The following CDYL variants were observed in gnomAD, a reference collection of about 807,000 sequenced individuals.
CDYL encodes chromodomain Y like.
CDYL carries 8 observed loss-of-function variants against 47.3 expected under a neutral mutation model. The ratio of observed to expected loss-of-function variants is 0.17; its 90% CI spans 0.10 to 0.31. The LOEUF is 0.31. CDYL is among the 10% of genes least tolerant of loss of function. The pLI, the probability that CDYL is intolerant of heterozygous loss-of-function variation, is 1.00. For synonymous variants in CDYL, 266 were observed against 265.0 expected (o/e 1.00, Z -0.04); for missense variants, 471 against 701.4 (o/e 0.67, Z 3.71).
chr6:4,764,793 C>T (rs1758227235), intron 3 of CDYL, among the ~76,000 whole-genome samples: 1 of 152,098 alleles, frequency 6.6e-6, no homozygotes, highest in South Asian at 2.1e-4. Flanking sequence ...TTTAATGCAC[C>T]TGTCCCAGTA....
intron 3 of CDYL, among the ~76,000 whole-genome samples, chr6:4,756,462 T>C (rs1283823320): frequency 6.6e-6 from 1 of 152,162 alleles, no homozygotes; most frequent in Admixed American, 6.6e-5. Flanking sequence ...CTGAGTTGGC[T>C]CTGTGGTTTT....
chr6:4,762,322 T>C (rs1758187117), intron 3 of CDYL, among the ~76,000 whole-genome samples: 2 of 152,198 alleles, frequency 1.3e-5, no homozygotes, highest in African/African-American at 4.8e-5. Context: ...AACAAACATA[T>C]CCTCTCTGGA....
chr6:4,788,684 G>A (rs1758829032), intron 1 of CDYL, among the ~76,000 whole-genome samples: 1 of 151,114 alleles, frequency 6.6e-6, no homozygotes, highest in Non-Finnish European at 1.5e-5. Flanking sequence ...GGGTCACTGG[G>A]GTGGGAACTG....
chr6:4,892,358 G>A lies in CDYL; in HGVS notation c.670G>A (p.Gly224Ser), dbSNP rs552358447. The A allele has an allele frequency of 5.6e-6, 9 of 1,611,188 alleles. 1 individual carries two copies. The South Asian group carries it at 9.9e-5, about 18-fold the overall frequency. The change falls in exon 2 of 7, where the codon GGC (glycine) becomes AGC (serine). Residue 224 changes from glycine to serine, a missense_variant. Coordinates refer to ENST00000397588, the MANE Select transcript of CDYL (RefSeq NM_004824.4). The part of the protein sequence containing the change: ...PGPVTAAMAT[G>S]LAVNGKGTSP... ...CCCTGTGACTGCAGCCATGGCCACA[G>A]GCTTAGCTGTTAACGGGAAAGGTGA...
At chr6:4,712,156 A>G (rs1376123648) in intron 1 of CDYL, among the ~76,000 whole-genome samples, 4 of 152,192 alleles carry the variant, frequency 2.6e-5, no homozygotes, top group Non-Finnish European at 5.9e-5. Flanking sequence ...ACCTTTATAA[A>G]CCAATGTCAA....
At chr6:4,902,046 C>T (rs532634968) in intron 2 of CDYL, among the ~76,000 whole-genome samples, 136 of 152,146 alleles carry the variant, frequency 8.9e-4, no homozygotes, top group African/African-American at 3.0e-3. Flanking sequence ...AACTCTGTAA[C>T]CTAGAAGGAA....
chr6:4,791,889 T>A (rs1561639892), intron 1 of CDYL, among the ~76,000 whole-genome samples: 1 of 151,142 alleles, frequency 6.6e-6, no homozygotes. Flanking sequence ...TAGAATTTTT[T>A]TTTTTTTTTT....
chr6:4,835,071 C>T (rs958488043), intron 1 of CDYL, among the ~76,000 whole-genome samples: 5 of 152,200 alleles, frequency 3.3e-5, no homozygotes, highest in African/African-American at 4.8e-5. Context: ...TTTCTCAACT[C>T]GTCAAAGTCA....
At chr6:4,901,055 C>A (rs1163494998) in intron 2 of CDYL, among the ~76,000 whole-genome samples, 2 of 151,124 alleles carry the variant, frequency 1.3e-5, no homozygotes, top group Non-Finnish European at 2.9e-5. Context: ...GACTAGAAAA[C>A]TTCCAATTAA....
intron 2 of CDYL, among the ~76,000 whole-genome samples, chr6:4,901,782 A>G (rs768626827): frequency 6.6e-6 from 1 of 152,162 alleles, no homozygotes; most frequent in African/African-American, 2.4e-5. Flanking sequence ...GCTTAAACAT[A>G]CAAGCAAATG....
intron 2 of CDYL, chr6:4,928,839 T>G (rs1757953369): frequency 6.6e-6 from 1 of 152,226 alleles, no homozygotes; most frequent in African/African-American, 2.4e-5. Context: ...AGCCATTTTT[T>G]TAAGATACTT....
At chr6:4,848,712 C>A (rs1760736197) in intron 1 of CDYL, among the ~76,000 whole-genome samples, 2 of 152,194 alleles carry the variant, frequency 1.3e-5, no homozygotes, top group South Asian at 4.1e-4. Flanking sequence ...TGGCTTGCGT[C>A]TGAGTCTTTA....
At chr6:4,895,108 T>C (rs1275947120) in intron 2 of CDYL, among the ~76,000 whole-genome samples, 4 of 151,468 alleles carry the variant, frequency 2.6e-5, no homozygotes, top group Admixed American at 6.6e-5. Context: ...TGTGTATATG[T>C]ATCTATATGC....
At chr6:4,838,755 C>T (rs1053592980) in intron 1 of CDYL, among the ~76,000 whole-genome samples, 1 of 151,948 alleles carries the variant, frequency 6.6e-6, no homozygotes, top group Non-Finnish European at 1.5e-5. Flanking sequence ...GGTGCCATCT[C>T]AGCTCAATGC....
At chr6:4,769,825 C>G (rs1194340878) in intron 3 of CDYL, among the ~76,000 whole-genome samples, 1 of 152,186 alleles carries the variant, frequency 6.6e-6, no homozygotes, top group Non-Finnish European at 1.5e-5. Flanking sequence ...GAGACGGAGT[C>G]TCGCTCTGTT....
intron 5 of CDYL, among the ~76,000 whole-genome samples, chr6:4,945,076 G>A (rs1032814516): frequency 2.6e-5 from 4 of 152,154 alleles, no homozygotes; most frequent in Non-Finnish European, 4.4e-5. Flanking sequence ...CAGACTGGAG[G>A]AGACCAAGGG....
intron 1 of CDYL, among the ~76,000 whole-genome samples, chr6:4,799,887 T>G: frequency 6.6e-6 from 1 of 152,244 alleles, no homozygotes; most frequent in Non-Finnish European, 1.5e-5. Context: ...GGATGTATAT[T>G]TATAATATTG....
intron 2 of CDYL, among the ~76,000 whole-genome samples, chr6:4,730,529 C>G (rs1757585366): frequency 6.6e-6 from 1 of 151,956 alleles, no homozygotes; most frequent in Non-Finnish European, 1.5e-5. Flanking sequence ...ACAAAATTAG[C>G]CTGGCGTGCT....
rs770818057 is a variant in CDYL, at chr6:4,915,617, T to G, written c.692-19898T>G. On this transcript the variant is annotated intron_variant, in intron 2 of 6. Transcript: ENST00000397588. ...GACTCTGTAGCAACCAGATACCAAC[T>G]TCCAACCTGAGTCAGGTAGAGCATC... is the stretch of plus-strand genomic sequence containing the variant. 1.4e-4 allele frequency among the ~76,000 whole-genome samples: 21 copies of G among 152,168 alleles called. No homozygotes were observed. The South Asian group carries it at 1.4e-3, about 10-fold the overall frequency.
Sources: gnomAD v4.1 joint callset for allele counts (sites outside exome capture counted in the v4.1 genomes callset) on GRCh38, gnomAD v4.1.1 for gene constraint, MANE v1.5 for transcripts, NCBI Gene and HGNC (gene_info 2026-07-23, HGNC 2026-07-21) for gene names.